Variants in JAKMIP3 observed in about 807,000 individuals in gnomAD.
The protein encoded by JAKMIP3 is Janus kinase and microtubule interacting protein 3, also known as janus kinase and microtubule-interacting protein 3.
A neutral mutation model predicts 118.5 loss-of-function variants in JAKMIP3; 58 were observed. That is an observed-to-expected ratio of 0.49 (90% CI 0.40 to 0.61). JAKMIP3 has a LOEUF of 0.61. JAKMIP3 is among the 20% of genes least tolerant of loss of function. The pLI is 0.00. For missense variants in JAKMIP3, 950 were observed against 1,109.0 expected, an observed-to-expected ratio of 0.86 and a Z score of 2.04; for synonymous variants, 486 against 451.2, an observed-to-expected ratio of 1.08 and a Z score of -0.98.
intron 23 of JAKMIP3, among the ~76,000 whole-genome samples, chr10:132,182,067 A>C (rs562699835): frequency 1.3e-5 from 2 of 152,374 alleles, no homozygotes; most frequent in Admixed American, 1.3e-4. Context: ...ACATGGTGAG[A>C]AAGATCCAAG....
In JAKMIP3 at chr10:132,138,156, A is replaced by G; in HGVS notation, c.1322A>G (p.Lys441Arg). Reference protein sequence around the residue: ...DKLLRFRKQRKKMAKLPKPVV... With the variant: ...DKLLRFRKQRRKMAKLPKPVV... ...CTGTTAAGATTCCGGAAGCAAAGAA[A>G]GAAAATGGCAAAACTTCCCAAGGTA... The change falls in exon 9 of 24, where the codon AAG becomes AGG. Residue 441 changes from lysine to arginine, a missense_variant. Transcript: ENST00000684848. 1 of 1,611,868 alleles carries G rather than the reference A, an allele frequency of 6.2e-7. No homozygotes were observed. The highest frequency in any genetic ancestry group is 8.5e-7 in the Non-Finnish European group (1 of 1,179,000).
intron 1 of JAKMIP3, among the ~76,000 whole-genome samples, chr10:132,067,750 G>C (rs1378376753): frequency 6.9e-6 from 1 of 145,304 alleles, no homozygotes; most frequent in African/African-American, 2.6e-5. Context: ...GGACTGGACT[G>C]TGGGCTTCCG....
intron 2 of JAKMIP3, among the ~76,000 whole-genome samples, chr10:132,111,316 G>A (rs993354629): frequency 6.6e-6 from 1 of 151,126 alleles, no homozygotes; most frequent in African/African-American, 2.4e-5. Context: ...GTAGTGCTGG[G>A]GTTACTGCTG....
chr10:132,142,102 C>A, intron 11 of JAKMIP3, 54 bp downstream of exon 11: 2 of 1,535,276 alleles, frequency 1.3e-6, no homozygotes, highest in Middle Eastern at 2.0e-4. Context: ...TCCCGCTTGA[C>A]CCCGTGGCCT....
intron 1 of JAKMIP3, among the ~76,000 whole-genome samples, chr10:132,100,884 G>A (rs981600807): frequency 1.3e-5 from 2 of 152,136 alleles, no homozygotes; most frequent in Admixed American, 1.3e-4. Flanking sequence ...TGTGCTCCTG[G>A]GCGGGAAGGA....
At chr10:132,139,253 T>TGTGTGTGA (rs1564947861) in intron 9 of JAKMIP3, among the ~76,000 whole-genome samples, 9 of 121,778 alleles carry the variant, frequency 7.4e-5, no homozygotes, top group Admixed American at 1.6e-4. Context: ...TGTGTGTATG[T>TGTGTGTGA]GTGTGTGTGT....
At chr10:132,088,608 C>T (rs1022820143) in intron 1 of JAKMIP3, among the ~76,000 whole-genome samples, 11 of 152,090 alleles carry the variant, frequency 7.2e-5, no homozygotes, top group African/African-American at 2.7e-4. Flanking sequence ...TGAATATTAG[C>T]CCTTTGTCAG....
At chr10:132,098,180 T>G (rs1346997073) in intron 1 of JAKMIP3, among the ~76,000 whole-genome samples, 1 of 151,554 alleles carries the variant, frequency 6.6e-6, no homozygotes, top group East Asian at 1.9e-4. Flanking sequence ...GGACCACAGG[T>G]GCCCACCTGG....
At chr10:132,140,969 G>C (rs1458226829) in intron 10 of JAKMIP3, among the ~76,000 whole-genome samples, 2 of 152,238 alleles carry the variant, frequency 1.3e-5, no homozygotes, top group African/African-American at 2.4e-5. Context: ...TCAGTGCCAA[G>C]AGCACATTAG....
rs560053340 is a variant in JAKMIP3 at position 132,145,415 on chromosome 10, C to T, written c.1687-103C>T. ...TTTTTGTAGAGACGGGGCTTTGCCA[C>T]GCTGGCCAGACTGGTCTTTGGTGTT... is the stretch of plus-strand genomic sequence containing the variant. On this transcript the variant is annotated intron_variant, in intron 12 of 23. Transcript: ENST00000684848. 37 of 1,182,096 alleles carry T rather than the reference C, an allele frequency of 3.1e-5. No individual in the cohort carries two copies. The African/African-American group carries it at 3.2e-4, about 10-fold the overall frequency. The allele number at this position is 1,182,096 out of a possible 1,614,324, so 73.2% of individuals were successfully genotyped here.
chr10:132,054,781 G>T (rs183432295), intron 1 of JAKMIP3, among the ~76,000 whole-genome samples: 1 of 152,204 alleles, frequency 6.6e-6, no homozygotes, highest in Non-Finnish European at 1.5e-5. Context: ...CCCTGGGCTC[G>T]GGGACAGCTG....
In JAKMIP3 at chr10:132,149,432, C is replaced by A. The variant is rs146467979; in HGVS notation, c.1869C>A (p.Pro623=). ...LELEERERKS[P]AISFHHTPFV... is the part of the protein sequence containing the mutation. ...CCTAGGAGAGGGAGAGGAAGTCACC[C>A]GCCATCAGCTTCCACCACACGCCCT... Residue 623 remains proline (P), a synonymous_variant, in exon 15 of 24, where the codon CCC becomes CCA. Coordinates refer to ENST00000684848, the MANE Select transcript of JAKMIP3 (RefSeq NM_001323087.2). 2 of 1,604,350 alleles carry A rather than the reference C, an allele frequency of 1.2e-6. No individual in the cohort carries two copies. Among genetic ancestry groups the A allele is most frequent in the South Asian group, 2.2e-5 (2 of 89,084 alleles).
At chr10:132,059,699 C>T (rs76747396), upstream of JAKMIP3, among the ~76,000 whole-genome samples, 10,648 of 152,310 alleles carry the variant, frequency 0.07, 379 homozygotes, top group African/African-American at 0.083. Context: ...GGGCCCCACC[C>T]ACCTGCAGGA....
chr10:132,108,058 C>T (rs1290278456), intron 2 of JAKMIP3, among the ~76,000 whole-genome samples: 2 of 152,208 alleles, frequency 1.3e-5, no homozygotes, highest in African/African-American at 4.8e-5. Context: ...GCTGGCTGCT[C>T]TGGGACCAGT....
intron 22 of JAKMIP3, 133 bp from the exon 23 acceptor site, chr10:132,167,820 C>T (rs2059075335): frequency 5.3e-6 from 2 of 376,224 alleles, no homozygotes; most frequent in Admixed American, 3.4e-5. Flanking sequence ...CCTCACCCCT[C>T]GGCCCTCACC....
chr10:132,164,339 CG>C (rs1170814897), intron 20 of JAKMIP3, among the ~76,000 whole-genome samples: 2 of 152,266 alleles, frequency 1.3e-5, no homozygotes, highest in Non-Finnish European at 1.5e-5. Context: ...GACCCTCTGG[CG>C]GCCCCTTACT....
At chr10:132,111,876 T>C (rs933141063) in intron 2 of JAKMIP3, among the ~76,000 whole-genome samples, 1 of 152,076 alleles carries the variant, frequency 6.6e-6, no homozygotes. Context: ...AGGCAGCTGC[T>C]CAGAGGTCCG....
At chr10:132,180,069 C>T (rs2060584235) in intron 23 of JAKMIP3, among the ~76,000 whole-genome samples, 1 of 152,212 alleles carries the variant, frequency 6.6e-6, no homozygotes, top group Admixed American at 6.5e-5. Flanking sequence ...ACTAACATGC[C>T]AGGCCCTCAA....
chr10:132,060,947 G>T (rs2038374099), upstream of JAKMIP3, among the ~76,000 whole-genome samples: 1 of 152,170 alleles, frequency 6.6e-6, no homozygotes, highest in African/African-American at 2.4e-5. Context: ...TTGAACCAGG[G>T]GTGGTGGGGG....
Sources: gnomAD v4.1 joint callset for allele counts (sites outside exome capture counted in the v4.1 genomes callset) on GRCh38, gnomAD v4.1.1 for gene constraint, MANE v1.5 for transcripts, NCBI Gene and HGNC (gene_info 2026-07-23, HGNC 2026-07-21) for gene names.